Variants in B9D1 observed in about 807,000 individuals in gnomAD.
The protein encoded by B9D1 is B9 domain containing 1.
B9D1 carries 20 observed loss-of-function variants against 26.1 expected under a neutral mutation model. That is an observed-to-expected ratio of 0.77 (90% CI 0.54 to 1.12). The LOEUF (loss-of-function observed/expected upper bound fraction) is 1.12. B9D1 is among the 50% of genes most tolerant of loss of function. The probability of loss-of-function intolerance (pLI) is 0.00; values close to 1 mark genes in which losing one functional copy is unlikely to be tolerated. For missense variants in B9D1, 260 were observed against 273.7 expected, an observed-to-expected ratio of 0.95 and a Z score of 0.35; for synonymous variants, 105 against 103.1, an observed-to-expected ratio of 1.02 and a Z score of -0.11.
downstream of B9D1, among the ~76,000 whole-genome samples, chr17:19,337,341 G>A (rs1337827256): frequency 6.6e-6 from 1 of 152,234 alleles, no homozygotes; most frequent in Non-Finnish European, 1.5e-5. Flanking sequence ...AGAGGTGGAA[G>A]AGGTGCTCTG....
intron 3 of B9D1, among the ~76,000 whole-genome samples, chr17:19,353,998 C>T (rs1438662806): frequency 2.0e-5 from 3 of 152,152 alleles, no homozygotes; most frequent in South Asian, 4.1e-4. Context: ...AAATTTCCCT[C>T]TATCCATGAC....
At chr17:19,369,629 G>A (rs1169151723) in intron 1 of B9D1, among the ~76,000 whole-genome samples, 2 of 152,142 alleles carry the variant, frequency 1.3e-5, no homozygotes, top group South Asian at 2.1e-4. Flanking sequence ...CTGAGAGGCC[G>A]AGGAGCAGGC....
In B9D1 at chr17:19,368,600, C is replaced by T. The variant is rs1450688259; in HGVS notation, c.-297-8212G>A. 1.3e-5 allele frequency among the ~76,000 whole-genome samples: 2 copies of T among 152,124 alleles called. 1 individual carries two copies. The highest frequency in any genetic ancestry group is 1.3e-4 in the Admixed American group (2 of 15,270). On this transcript the variant is annotated intron_variant, in intron 1 of 5. Transcript: ENST00000477478. ...GGAGTCCAGTTTACTTGCAGACAGA[C>T]AAGTTGAATTGCTGGCCAAATTCTG... is the stretch of plus-strand genomic sequence containing the variant.
chr17:19,377,819 C>T (rs918920572), intron 1 of B9D1: 7 of 984,844 alleles, frequency 7.1e-6, no homozygotes, highest in African/African-American at 5.2e-5. Flanking sequence ...GCCCAAAGCA[C>T]GGGAATCGCG....
Position 19,372,047 on chromosome 17 carries a change from CT to C in B9D1, c.-298+5811del, listed in dbSNP as rs998418212. On this transcript the variant is annotated intron_variant, in intron 1 of 5. Transcript: ENST00000477478. This position sits in a 1 kb window ranked among gnomAD's most constrained non-coding sequence, Gnocchi z 4.4. ...CCCACAGTTGAGCCCATTTTGTCAC[CT>C]GTAACCAGGGACAATGATGCATCAC... is the stretch of plus-strand genomic sequence containing the variant. 24 of 152,374 alleles carry C rather than the reference CT, an allele frequency of 1.6e-4. No individual in the cohort carries two copies. The highest frequency in any genetic ancestry group is 4.6e-4 in the Admixed American group (7 of 15,302). The allele number at this position is 152,374 out of a possible 1,614,324, so 9.4% of individuals were successfully genotyped here. A position where few individuals can be genotyped will look rare whatever the true frequency, so the allele number is the denominator to read the frequency against.
intron 1 of B9D1, among the ~76,000 whole-genome samples, chr17:19,373,770 C>T (rs1431584386): frequency 6.6e-6 from 1 of 152,024 alleles, no homozygotes; most frequent in Non-Finnish European, 1.5e-5. Flanking sequence ...CAGGTGATCC[C>T]CCAGCCTCAG....
intron 1 of B9D1, among the ~76,000 whole-genome samples, chr17:19,375,319 G>C (rs1213320900): frequency 6.6e-6 from 1 of 151,748 alleles, no homozygotes; most frequent in East Asian, 1.9e-4. Flanking sequence ...CAAAGGATTT[G>C]AATAGATATT....
upstream of B9D1, among the ~76,000 whole-genome samples, chr17:19,367,659 C>A (rs1662812507): frequency 2.0e-5 from 3 of 152,212 alleles, no homozygotes; most frequent in South Asian, 6.2e-4. Context: ...CTGTATATCA[C>A]CTTGTCTTTG....
Position 19,347,703 on chromosome 17 carries a change from C to A in B9D1, c.341+81G>T. On this transcript the variant is annotated intron_variant, in intron 4 of 6. Transcript: ENST00000261499. The surrounding 1 kb of genome is among the most constrained non-coding windows in gnomAD (Gnocchi z 4.3). ...CCTGGAGACCCCAGAGCATTCCCAG[C>A]CTGAACCTAAGACAGAAAACGAGGT... 1 of 1,410,454 alleles carries A rather than the reference C, an allele frequency of 7.1e-7. No homozygotes were observed. The highest frequency in any genetic ancestry group is 1.2e-5 in the South Asian group (1 of 82,836). 87.4% of individuals were successfully genotyped at this position (1,410,454 alleles called of 1,614,324 possible).
chr17:19,351,078 A>T (rs938383836), intron 3 of B9D1, among the ~76,000 whole-genome samples: 2 of 152,108 alleles, frequency 1.3e-5, no homozygotes, highest in African/African-American at 4.8e-5. Flanking sequence ...ACCTCAAATG[A>T]TCTGCCTGCC....
Position 19,357,924 on chromosome 17 carries a change from T to A in B9D1, c.160A>T (p.Thr54Ser). The change falls in exon 3 of 7, where the codon ACA (threonine) becomes TCA (serine). Residue 54 changes from threonine to serine, a missense_variant. Thr to Ser is a moderately conservative substitution (Grantham distance 58). Transcript: ENST00000261499. ...AGLEEGISQI[T>S]SKSQDVRQAL... is the part of the protein sequence containing the mutation. ...TGCCGCACATCTTGGCTCTTGGATG[T>A]GATCTGTGAGATCCCCTCCTCCAGA... 1 of 1,614,078 alleles carries A rather than the reference T, an allele frequency of 6.2e-7. No individual in the cohort carries two copies. The highest frequency in any genetic ancestry group is 8.5e-7 in the Non-Finnish European group (1 of 1,179,950).
downstream of B9D1, chr17:19,341,167 G>C: frequency 4.1e-6 from 5 of 1,231,086 alleles, no homozygotes; most frequent in Non-Finnish European, 5.1e-6. Context: ...TTTCCCAGCT[G>C]CTGACAGGCT....
At chr17:19,342,019 G>C (rs1908025315), downstream of B9D1, among the ~76,000 whole-genome samples, 1 of 152,162 alleles carries the variant, frequency 6.6e-6, no homozygotes, top group Non-Finnish European at 1.5e-5. Flanking sequence ...GCCTTCACCA[G>C]TAACAAGAGA....
At chr17:19,375,983 C>A (rs958568322) in intron 1 of B9D1, among the ~76,000 whole-genome samples, 3 of 152,104 alleles carry the variant, frequency 2.0e-5, no homozygotes, top group Admixed American at 2.0e-4. Flanking sequence ...TTGAAACAAC[C>A]CAAATGTTCA....
chr17:19,375,444 T>C (rs1912060021), intron 1 of B9D1, among the ~76,000 whole-genome samples: 1 of 151,712 alleles, frequency 6.6e-6, no homozygotes, highest in Non-Finnish European at 1.5e-5. Context: ...CCCACTAGGA[T>C]GGCTATAATT....
At chr17:19,377,882 T>G (rs916658897) in exon 1 of B9D1, 4 of 985,184 alleles carry the variant, frequency 4.1e-6, no homozygotes, top group Middle Eastern at 5.2e-4. Flanking sequence ...AACCGCGAGC[T>G]GCAGTCCAAC....
At position 19,347,095 on chromosome 17, in the gene B9D1, G is replaced by A. The variant is rs1477373076; in HGVS notation, c.404+174C>T. Reference sequence around the variant, plus strand: ...CCCGGCCTTCTGCTGCTGGAACAGGGCTGAAGGGAGCCCCGTGACTCAGCA... The same window carrying A: ...CCCGGCCTTCTGCTGCTGGAACAGGACTGAAGGGAGCCCCGTGACTCAGCA... On this transcript the variant is annotated intron_variant, in intron 5 of 6. Coordinates refer to ENST00000261499, the MANE Select transcript of B9D1 (RefSeq NM_015681.6). This position sits in a 1 kb window ranked among gnomAD's most constrained non-coding sequence, Gnocchi z 4.3. 2 of 1,561,398 alleles carry A rather than the reference G, an allele frequency of 1.3e-6. No individual in the cohort carries two copies. Among genetic ancestry groups the A allele is most frequent in the East Asian group, 2.4e-5 (1 of 41,728 alleles).
downstream of B9D1, among the ~76,000 whole-genome samples, chr17:19,342,232 G>A (rs1183202052): frequency 6.6e-6 from 1 of 152,196 alleles, no homozygotes; most frequent in Non-Finnish European, 1.5e-5. Flanking sequence ...ATTCCGAGAA[G>A]ATGGAATCAC....
chr17:19,351,020 G>A (rs920206883), intron 3 of B9D1, among the ~76,000 whole-genome samples: 1 of 152,056 alleles, frequency 6.6e-6, no homozygotes, highest in African/African-American at 2.4e-5. Flanking sequence ...TGTATTTTTA[G>A]TAGAGAAGGA....
Sources: gnomAD v4.1 joint callset for allele counts (sites outside exome capture counted in the v4.1 genomes callset) on GRCh38, gnomAD v4.1.1 for gene constraint, Gnocchi (gnomAD v3.1) non-coding constraint, MANE v1.5 for transcripts, NCBI Gene and HGNC (gene_info 2026-07-23, HGNC 2026-07-21) for gene names.